DBF4B: variants seen among roughly 807,000 people sequenced by gnomAD.
DBF4B encodes the protein protein DBF4 homolog B.
Under a neutral mutation model 53.4 loss-of-function variants are expected in DBF4B, and 49 were observed. The observed-to-expected ratio is 0.92, with a 90% CI of 0.73 to 1.16. The LOEUF is 1.16. Ranked by LOEUF, DBF4B falls within the 50% of genes most tolerant of loss-of-function variation. The pLI, the probability that DBF4B is intolerant of heterozygous loss-of-function variation, is 0.00. For missense variants in DBF4B, 692 were observed against 775.0 expected, an observed-to-expected ratio of 0.89 and a Z score of 1.27; for synonymous variants, 257 against 288.7, an observed-to-expected ratio of 0.89 and a Z score of 1.11.
At chr17:44,712,284 A>G (rs1002899706) in intron 2 of DBF4B, among the ~76,000 whole-genome samples, 4 of 127,458 alleles carry the variant, frequency 3.1e-5, no homozygotes, top group Non-Finnish European at 6.8e-5. Flanking sequence ...ATTGTTTTCC[A>G]TTTTGAATTA....
At chr17:44,750,426 T>C in intron 13 of DBF4B, 169 bp from the exon 14 acceptor site, 1 of 985,388 alleles carries the variant, frequency 1.0e-6, no homozygotes, top group Non-Finnish European at 1.2e-6. Flanking sequence ...GTTATTAGTT[T>C]GGAAATAGAG....
At chr17:44,737,687 G>T (rs901121705) in intron 8 of DBF4B, among the ~76,000 whole-genome samples, 1 of 152,130 alleles carries the variant, frequency 6.6e-6, no homozygotes, top group Admixed American at 6.6e-5. Flanking sequence ...TGATGCCTAA[G>T]GGATTTTGTA....
intron 6 of DBF4B, among the ~76,000 whole-genome samples, chr17:44,733,218 G>A (rs898788127): frequency 6.6e-6 from 1 of 151,726 alleles, no homozygotes; most frequent in African/African-American, 2.4e-5. Flanking sequence ...TCTGTGCTAC[G>A]AATTACCTCA....
At chr17:44,708,985 A>G in intron 1 of DBF4B, 146 bp downstream of exon 1, 1 of 1,123,558 alleles carries the variant, frequency 8.9e-7, no homozygotes. Context: ...AAGGAGCCAC[A>G]GGAGTTGAGG....
chr17:44,730,172 C>T (rs1048034992), intron 4 of DBF4B, 76 bp downstream of exon 4: 1 of 1,458,568 alleles, frequency 6.9e-7, no homozygotes, highest in African/African-American at 1.4e-5. Flanking sequence ...AAGGCAGTCT[C>T]TGGTTTTAAT....
chr17:44,720,194 C>T, intron 2 of DBF4B: 1 of 366,222 alleles, frequency 2.7e-6, no homozygotes, highest in Non-Finnish European at 5.2e-6. Context: ...AGTTTTCTCA[C>T]ATGCTGACTG....
At chr17:44,725,012 A>T (rs1373286939) in intron 3 of DBF4B, among the ~76,000 whole-genome samples, 1 of 147,930 alleles carries the variant, frequency 6.8e-6, no homozygotes, top group African/African-American at 2.5e-5. Context: ...ACTATGCAGG[A>T]GGCTGAGGCA....
At chr17:44,740,345 G>GA (rs1186290240) in intron 9 of DBF4B, among the ~76,000 whole-genome samples, 3 of 152,072 alleles carry the variant, frequency 2.0e-5, no homozygotes, top group Non-Finnish European at 4.4e-5. Flanking sequence ...AACCAAACAT[G>GA]GTGCACCCGG....
rs1304175253 is a variant in DBF4B, at chr17:44,751,228, G to A, written c.1823G>A (p.Gly608Asp). ...ACTCCTCAGCCATTTCTCCATTGCG[G>A]CTTCCTGGCTGTAGACTCAGGTTAG... is the stretch of plus-strand genomic sequence containing the variant. ...WNTPQPFLHCGFLAVDSG is the reference protein window; with the variant it reads ...WNTPQPFLHCDFLAVDSG The change falls in exon 14 of 14, where the codon GGC becomes GAC. Residue 608 changes from glycine (G) to aspartate (D), a missense_variant. Gly to Asp is a moderately conservative substitution (Grantham distance 94). This residue lies in a region of DBF4B where 597 missense variants were observed against 665.8 expected (regional missense o/e 0.90). Coordinates refer to ENST00000315005, the MANE Select transcript of DBF4B (RefSeq NM_145663.3). 6.2e-7 allele frequency: 1 copy of A among 1,613,478 alleles called. No individual in the cohort carries two copies. Among genetic ancestry groups the A allele is most frequent in the Admixed American group, 1.7e-5 (1 of 60,012 alleles).
intron 5 of DBF4B, 196 bp from the exon 6 acceptor site, chr17:44,731,982 T>A: frequency 1.7e-6 from 1 of 571,574 alleles, no homozygotes; most frequent in East Asian, 2.9e-5. Context: ...TCTCCCAATG[T>A]GGCCATGTGG....
rs2049232020 is a variant in DBF4B, at chr17:44,749,824, C to G, written c.1190-771C>G. The G allele has an allele frequency of 9.6e-7, 1 of 1,037,302 alleles. No homozygotes were observed. Among genetic ancestry groups the G allele is most frequent in the African/African-American group, 1.7e-5 (1 of 59,316 alleles). The allele number at this position is 1,037,302 out of a possible 1,614,324, so 64.3% of individuals were successfully genotyped here. ...GGTGTGCTCCACCCCCAACCCCGGC[C>G]TCCTTTCTCACGAGCATGTGGCCGC... On this transcript the variant is annotated intron_variant, in intron 13 of 13. Transcript: ENST00000315005. This position sits in a 1 kb window ranked among gnomAD's most constrained non-coding sequence, Gnocchi z 4.4.
In DBF4B at chr17:44,749,976, C is replaced by G; in HGVS notation, c.1190-619C>G. On this transcript the variant is annotated intron_variant, in intron 13 of 13. Coordinates refer to ENST00000315005, the MANE Select transcript of DBF4B (RefSeq NM_145663.3). The surrounding 1 kb of genome is among the most constrained non-coding windows in gnomAD (Gnocchi z 4.4). The stretch of plus-strand genomic sequence containing the variant: ...GCACCACTCACAGAGCTCCCTCCCC[C>G]AGGCACTTAGTTGGGGCCCAGCACT... 3 of 1,006,446 alleles carry G rather than the reference C, an allele frequency of 3.0e-6. No individual in the cohort carries two copies. Among genetic ancestry groups the G allele is most frequent in the Non-Finnish European group, 3.6e-6 (3 of 842,022 alleles). 62.3% of individuals were successfully genotyped at this position (1,006,446 alleles called of 1,614,324 possible).
intron 8 of DBF4B, 64 bp from the exon 9 acceptor site, chr17:44,738,315 T>G: frequency 4.0e-6 from 6 of 1,494,156 alleles, no homozygotes; most frequent in Non-Finnish European, 5.5e-6. Context: ...ATTTCCTGCA[T>G]GTGTGGTGCA....
chr17:44,745,270 C>T (rs1976488693), intron 10 of DBF4B, among the ~76,000 whole-genome samples: 1 of 152,034 alleles, frequency 6.6e-6, no homozygotes, highest in Non-Finnish European at 1.5e-5. Context: ...TTTCCTAAGC[C>T]TCCCTGAGCA....
chr17:44,750,375 C>G, intron 13 of DBF4B: 2 of 1,364,716 alleles, frequency 1.5e-6, no homozygotes, highest in Non-Finnish European at 1.9e-6. Context: ...TGTCTCCTTT[C>G]AAAGGAAGAA....
chr17:44,748,337 A>T lies in DBF4B; in HGVS notation c.1065-4A>T, dbSNP rs754385401. ...TGCAGCTCACAGTGTTTCTGTCCCA[A>T]CAGGTGGTCAGGTTCCCCAGCTTCT... On this transcript the variant is annotated splice_region_variant and splice_polypyrimidine_tract_variant and intron_variant, in intron 12 of 13. Coordinates refer to ENST00000315005, the MANE Select transcript of DBF4B (RefSeq NM_145663.3). 1 of 1,590,198 alleles carries T rather than the reference A, an allele frequency of 6.3e-7. No individual in the cohort carries two copies. The highest frequency in any genetic ancestry group is 8.6e-7 in the Non-Finnish European group (1 of 1,168,030).
In DBF4B at chr17:44,751,522, C is replaced by CT; in HGVS notation, c.*269_*270insT. ...ACTGTCTGTCCCTGGCCCTCCAGCC[C>CT]ACCTCGCCAACCACTCTTGTTGGTT... On this transcript the variant is annotated 3_prime_UTR_variant, in exon 14 of 14. Transcript: ENST00000315005. 8 of 1,375,604 alleles carry CT rather than the reference C, an allele frequency of 5.8e-6. No individual in the cohort carries two copies. The highest frequency in any genetic ancestry group is 5.5e-5 in the East Asian group (2 of 36,506). The allele number at this position is 1,375,604 out of a possible 1,614,324, so 85.2% of individuals were successfully genotyped here. A position where few individuals can be genotyped will look rare whatever the true frequency, so the allele number is the denominator to read the frequency against.
At position 44,749,764 on chromosome 17, in the gene DBF4B, C is replaced by T; in HGVS notation, c.1190-831C>T. 3 of 1,109,530 alleles carry T rather than the reference C, an allele frequency of 2.7e-6. No homozygotes were observed. The highest frequency in any genetic ancestry group is 3.3e-6 in the Non-Finnish European group (3 of 900,048). The allele number at this position is 1,109,530 out of a possible 1,614,324, so 68.7% of individuals were successfully genotyped here. On this transcript the variant is annotated intron_variant, in intron 13 of 13. Coordinates refer to ENST00000315005, the MANE Select transcript of DBF4B (RefSeq NM_145663.3). The surrounding 1 kb of genome is among the most constrained non-coding windows in gnomAD (Gnocchi z 4.4). Reference sequence around the variant, plus strand: ...GCCCGGCTTCCTGGCCCTCCACAGGCCCTTGCCTCTCTGCAGAGCCGCGGG... The same window carrying T: ...GCCCGGCTTCCTGGCCCTCCACAGGTCCTTGCCTCTCTGCAGAGCCGCGGG...
At chr17:44,711,291 T>G (rs1972843256) in intron 2 of DBF4B, among the ~76,000 whole-genome samples, 1 of 152,034 alleles carries the variant, frequency 6.6e-6, no homozygotes, top group African/African-American at 2.4e-5. Context: ...GCCTCCAGAT[T>G]GATTCTTTAA....
Sources: gnomAD v4.1 joint callset for allele counts (sites outside exome capture counted in the v4.1 genomes callset) on GRCh38, gnomAD v4.1.1 for gene constraint, gnomAD v4.1.1 regional missense constraint, Gnocchi (gnomAD v3.1) non-coding constraint, MANE v1.5 for transcripts, NCBI Gene and HGNC (gene_info 2026-07-23, HGNC 2026-07-21) for gene names.